Variants in ZNF385D observed in about 807,000 individuals in gnomAD.
ZNF385D encodes zinc finger protein 385D.
In ZNF385D, 15 loss-of-function variants were observed where a neutral mutation model predicts 35.8. The ratio of observed to expected loss-of-function variants is 0.42; its 90% CI spans 0.28 to 0.64. ZNF385D has a LOEUF of 0.64. Ranked by LOEUF, ZNF385D falls within the 30% of genes least tolerant of loss-of-function variation. The pLI is 0.23. For synonymous variants in ZNF385D, 212 were observed against 186.8 expected (o/e 1.13, Z -1.10); for missense variants, 474 against 494.6 (o/e 0.96, Z 0.39).
intron 3 of ZNF385D, among the ~76,000 whole-genome samples, chr3:21,794,624 G>A (rs2072070652): frequency 6.6e-6 from 1 of 152,126 alleles, no homozygotes. Context: ...GAAGGGGCTA[G>A]CTAACTTTGG....
At chr3:21,430,119 G>C (rs1416559149) in intron 5 of ZNF385D, among the ~76,000 whole-genome samples, 1 of 150,712 alleles carries the variant, frequency 6.6e-6, no homozygotes, top group East Asian at 1.9e-4. Flanking sequence ...CTATATAGTA[G>C]CATTTTCCAT....
intron 4 of ZNF385D, among the ~76,000 whole-genome samples, chr3:21,460,355 C>T (rs978659515): frequency 1.3e-5 from 2 of 152,106 alleles, no homozygotes; most frequent in Admixed American, 1.3e-4. Context: ...TTCATAGACA[C>T]CAGATCGTGT....
At chr3:21,766,472 T>A (rs895228698) in intron 3 of ZNF385D, among the ~76,000 whole-genome samples, 1 of 152,124 alleles carries the variant, frequency 6.6e-6, no homozygotes, top group African/African-American at 2.4e-5. Context: ...AGGATGAGTT[T>A]GTGTTTGAGG....
chr3:22,342,276 C>CAAAAAAAAAAAAAAAAAAAAAAAAAAA (rs766689054), intron 2 of ZNF385D, among the ~76,000 whole-genome samples: 1 of 53,508 alleles, frequency 1.9e-5, no homozygotes, highest in Non-Finnish European at 3.8e-5. Context: ...GACTCCGCCT[C>CAAAAAAAAAAAAAAAAAAAAAAAAAAA]AAAAAAAAAA....
At chr3:22,162,506 C>T (rs186751311) in intron 3 of ZNF385D, among the ~76,000 whole-genome samples, 1 of 152,234 alleles carries the variant, frequency 6.6e-6, no homozygotes, top group East Asian at 1.9e-4. Flanking sequence ...ACACAGGCCA[C>T]CATCTATACT....
intron 2 of ZNF385D, among the ~76,000 whole-genome samples, chr3:22,172,568 A>AT (rs1694534125): frequency 6.6e-6 from 1 of 152,156 alleles, no homozygotes; most frequent in African/African-American, 2.4e-5. Context: ...AGAAGTGCTC[A>AT]TCTTCTCTAA....
At chr3:21,564,158 TCCAGGCAAAA>T (rs981337141) in intron 3 of ZNF385D, among the ~76,000 whole-genome samples, 7 of 152,000 alleles carry the variant, frequency 4.6e-5, no homozygotes, top group Admixed American at 3.3e-4. Flanking sequence ...AGGCCTCCAT[TCCAGGCAAAA>T]AAAGTTTATA....
chr3:21,624,432 C>T (rs1575344191), intron 2 of ZNF385D, among the ~76,000 whole-genome samples: 1 of 152,000 alleles, frequency 6.6e-6, no homozygotes, highest in East Asian at 1.9e-4. Context: ...ATGCTATTTC[C>T]AGCCAGACAG....
chr3:22,199,293 A>G (rs1362196962), intron 2 of ZNF385D, among the ~76,000 whole-genome samples: 1 of 152,146 alleles, frequency 6.6e-6, no homozygotes, highest in Non-Finnish European at 1.5e-5. Context: ...TCAGAGAAAC[A>G]TGTGGAAGGA....
At chr3:22,231,149 G>T (rs971817248) in intron 2 of ZNF385D, among the ~76,000 whole-genome samples, 5 of 152,134 alleles carry the variant, frequency 3.3e-5, no homozygotes, top group Admixed American at 2.0e-4. Context: ...AAAAAATAAA[G>T]AAAGAAATAG....
chr3:21,742,482 C>T (rs926798194), intron 1 of ZNF385D, among the ~76,000 whole-genome samples: 1 of 152,228 alleles, frequency 6.6e-6, no homozygotes, highest in African/African-American at 2.4e-5. Flanking sequence ...TATTCTTGCT[C>T]TTCCTCTAAG....
chr3:22,295,042 G>T (rs1702496294), intron 2 of ZNF385D, among the ~76,000 whole-genome samples: 1 of 151,976 alleles, frequency 6.6e-6, no homozygotes, highest in African/African-American at 2.4e-5. Context: ...TAAAATGTTT[G>T]TTTATGGCCC....
chr3:21,782,737 A>G (rs1431172092), intron 3 of ZNF385D, among the ~76,000 whole-genome samples: 2 of 152,162 alleles, frequency 1.3e-5, no homozygotes, highest in East Asian at 3.9e-4. Context: ...ATGTTCTACT[A>G]CTTTTAGAAT....
intron 1 of ZNF385D, among the ~76,000 whole-genome samples, chr3:21,716,824 G>A (rs1404236019): frequency 6.6e-6 from 1 of 152,038 alleles, no homozygotes; most frequent in Non-Finnish European, 1.5e-5. Context: ...TCTGCCCTCA[G>A]CGCCTAACAA....
At chr3:22,180,914 C>CTTTTGTTCTTTTTTTTTTTTTTTTTTTTT (rs1695209879) in intron 2 of ZNF385D, among the ~76,000 whole-genome samples, 1 of 113,010 alleles carries the variant, frequency 8.8e-6, no homozygotes, top group African/African-American at 4.2e-5. Flanking sequence ...TGCTTTTGTT[C>CTTTTGTTCTTTTTTTTTTTTTTTTTTTTT]TTTTTTTTTT....
chr3:22,143,637 T>A (rs978512128), intron 3 of ZNF385D, among the ~76,000 whole-genome samples: 7 of 152,224 alleles, frequency 4.6e-5, no homozygotes, highest in African/African-American at 1.7e-4. Flanking sequence ...TGATGGCCTT[T>A]TAGATTTATT....
chr3:21,808,464 A>G (rs1288323455), intron 3 of ZNF385D, among the ~76,000 whole-genome samples: 1 of 152,160 alleles, frequency 6.6e-6, no homozygotes, highest in Admixed American at 6.5e-5. Context: ...AGTGAATCCA[A>G]GCAGAGATGA....
intron 2 of ZNF385D, among the ~76,000 whole-genome samples, chr3:22,204,979 C>CAAAAAAAAAAAAAAAAAAAAACAA (rs761954306): frequency 1.1e-5 from 1 of 92,982 alleles, no homozygotes; most frequent in African/African-American, 4.2e-5. Context: ...TGACCAAATC[C>CAAAAAAAAAAAAAAAAAAAAACAA]AAAAAAAAAA....
chr3:21,545,547 C>T (rs534463433), intron 3 of ZNF385D, among the ~76,000 whole-genome samples: 19 of 152,278 alleles, frequency 1.2e-4, no homozygotes, highest in African/African-American at 4.3e-4. Context: ...CTGCCTGGCT[C>T]CTCTAGAATT....
Sources: gnomAD v4.1 joint callset for allele counts (sites outside exome capture counted in the v4.1 genomes callset) on GRCh38, gnomAD v4.1.1 for gene constraint, MANE v1.5 for transcripts, NCBI Gene and HGNC (gene_info 2026-07-23, HGNC 2026-07-21) for gene names.